The following CSMD1 variants were observed in gnomAD, a reference collection of about 807,000 sequenced individuals.
CSMD1 encodes the protein CUB and Sushi multiple domains 1, also known as CUB and sushi domain-containing protein 1.
Under a neutral mutation model 417.5 loss-of-function variants are expected in CSMD1, and 213 were observed. The ratio of observed to expected loss-of-function variants is 0.51; its 90% CI spans 0.46 to 0.57. The LOEUF (loss-of-function observed/expected upper bound fraction) is 0.57. Among genes scored for constraint, CSMD1 ranks in the 20% least tolerant of loss-of-function variants. The pLI is 0.00. For missense variants in CSMD1, 6,923 were observed against 4,529.7 expected (o/e 1.53, Z -15.17); for synonymous variants, 2,862 against 1,736.8 (o/e 1.65, Z -16.11).
intron 5 of CSMD1, among the ~76,000 whole-genome samples, chr8:3,926,032 CACACACACACAA>C (rs1350150065): frequency 1.4e-4 from 18 of 130,522 alleles, no homozygotes; most frequent in Admixed American, 4.0e-4. Context: ...CACACACACA[CACACACACACAA>C]ACACCATATA....
intron 1 of CSMD1, among the ~76,000 whole-genome samples, chr8:4,650,539 G>A (rs1180139646): frequency 2.6e-5 from 4 of 151,896 alleles, no homozygotes; most frequent in South Asian, 4.1e-4. Context: ...GTTTTGCGAC[G>A]TGATGCTTCT....
chr8:4,019,919 A>AG (rs1796705570), intron 4 of CSMD1, among the ~76,000 whole-genome samples: 1 of 149,148 alleles, frequency 6.7e-6, no homozygotes, highest in African/African-American at 2.5e-5. Context: ...TTCATTAAAA[A>AG]AAAAAAAAAA....
intron 1 of CSMD1, among the ~76,000 whole-genome samples, chr8:4,653,648 T>A (rs1167110102): frequency 1.3e-5 from 2 of 152,068 alleles, no homozygotes; most frequent in Non-Finnish European, 2.9e-5. Context: ...GGGTTCCTGA[T>A]CTCATTGTGA....
intron 3 of CSMD1, among the ~76,000 whole-genome samples, chr8:4,397,381 T>G (rs1386256846): frequency 6.6e-6 from 1 of 152,064 alleles, no homozygotes; most frequent in Non-Finnish European, 1.5e-5. Flanking sequence ...TAATCTTAAG[T>G]GGAAAAGAGA....
chr8:4,502,441 A>G (rs894383190), intron 2 of CSMD1, among the ~76,000 whole-genome samples: 3 of 152,166 alleles, frequency 2.0e-5, no homozygotes, highest in African/African-American at 7.2e-5. Context: ...GTCAGTGATT[A>G]TAGCTGACGA....
At chr8:3,657,247 G>C (rs1798176408) in intron 7 of CSMD1, among the ~76,000 whole-genome samples, 1 of 152,070 alleles carries the variant, frequency 6.6e-6, no homozygotes, top group Non-Finnish European at 1.5e-5. Flanking sequence ...TACAAAAGCA[G>C]CAGCATTTCT....
chr8:3,801,586 C>T (rs1331778166), intron 5 of CSMD1, among the ~76,000 whole-genome samples: 1 of 152,018 alleles, frequency 6.6e-6, no homozygotes, highest in East Asian at 1.9e-4. Context: ...GTTAAAATTA[C>T]TGTTACCCTG....
chr8:4,735,602 A>T (rs1469683198), intron 1 of CSMD1, among the ~76,000 whole-genome samples: 1 of 152,194 alleles, frequency 6.6e-6, no homozygotes. Context: ...ACAATTACTA[A>T]ATATAATACT....
intron 5 of CSMD1, among the ~76,000 whole-genome samples, chr8:3,845,163 A>C (rs1286749070): frequency 6.6e-6 from 1 of 152,236 alleles, no homozygotes; most frequent in Non-Finnish European, 1.5e-5. Flanking sequence ...AAGACAGTTT[A>C]TGGGAATTAG....
chr8:4,859,265 T>C (rs955389599), intron 1 of CSMD1, among the ~76,000 whole-genome samples: 4 of 151,762 alleles, frequency 2.6e-5, no homozygotes, highest in Non-Finnish European at 5.9e-5. Context: ...AAAAATCAAT[T>C]CAAGATGGAT....
chr8:3,754,961 G>C (rs1254642763), intron 5 of CSMD1, among the ~76,000 whole-genome samples: 3 of 44,240 alleles, frequency 6.8e-5, no homozygotes, highest in Admixed American at 3.4e-4. Context: ...TTTTAAGAAA[G>C]CAGTGCATTC....
chr8:4,307,651 TG>T (rs1229081003), intron 3 of CSMD1, among the ~76,000 whole-genome samples: 8 of 152,060 alleles, frequency 5.3e-5, no homozygotes, highest in African/African-American at 1.9e-4. Flanking sequence ...TCAAGGACGA[TG>T]GGAAATGGGT....
chr8:4,019,958 T>C (rs1376207640), intron 4 of CSMD1, among the ~76,000 whole-genome samples: 1 of 151,712 alleles, frequency 6.6e-6, no homozygotes, highest in Non-Finnish European at 1.5e-5. Flanking sequence ...CTACCAATAT[T>C]GAGATCCTGT....
At chr8:3,695,479 C>G (rs1268136834) in intron 7 of CSMD1, among the ~76,000 whole-genome samples, 1 of 152,022 alleles carries the variant, frequency 6.6e-6, no homozygotes, top group Non-Finnish European at 1.5e-5. Context: ...ACAAATCTGG[C>G]TTTACCTTAT....
At chr8:3,428,508 G>A (rs1813998553) in intron 12 of CSMD1, among the ~76,000 whole-genome samples, 1 of 151,944 alleles carries the variant, frequency 6.6e-6, no homozygotes, top group South Asian at 2.1e-4. Flanking sequence ...AAAAATGATG[G>A]GGAAAAAAAA....
At chr8:3,902,327 A>T (rs938206391) in intron 5 of CSMD1, among the ~76,000 whole-genome samples, 5 of 152,230 alleles carry the variant, frequency 3.3e-5, no homozygotes, top group African/African-American at 9.6e-5. Flanking sequence ...CCCAGTAAGG[A>T]GTTTTTTGTT....
chr8:3,696,526 T>A, intron 7 of CSMD1, among the ~76,000 whole-genome samples: 1 of 152,322 alleles, frequency 6.6e-6, no homozygotes, highest in East Asian at 1.9e-4. Flanking sequence ...CAAATCAATA[T>A]AATCATTTGG....
At chr8:2,953,963 C>G (rs6996266) in intron 65 of CSMD1, among the ~76,000 whole-genome samples, 1,596 of 152,316 alleles carry the variant, frequency 0.01, 21 homozygotes, top group African/African-American at 0.036. Flanking sequence ...TACCAAATGC[C>G]GAAGGCAAGT....
At chr8:3,535,949 C>T (rs1409222141) in intron 10 of CSMD1, among the ~76,000 whole-genome samples, 3 of 152,102 alleles carry the variant, frequency 2.0e-5, no homozygotes, top group Non-Finnish European at 4.4e-5. Context: ...CCCCACCAGT[C>T]GGTTACAGTT....
Sources: allele counts gnomAD v4.1 joint callset (sites outside exome capture counted in the v4.1 genomes callset), GRCh38; gene constraint gnomAD v4.1.1; transcripts MANE v1.5; gene names NCBI Gene and HGNC (gene_info 2026-07-23, HGNC 2026-07-21).